Variants in TJP1 observed in about 807,000 individuals in gnomAD.
The protein encoded by TJP1 is tight junction protein ZO-1.
TJP1 carries 43 observed loss-of-function variants against 194.2 expected under a neutral mutation model. The ratio of observed to expected loss-of-function variants is 0.22; its 90% CI spans 0.17 to 0.29. The LOEUF (loss-of-function observed/expected upper bound fraction) is 0.29. Ranked by LOEUF, TJP1 falls within the 10% of genes least tolerant of loss-of-function variation. The pLI is 1.00. For missense variants in TJP1, 1,971 were observed against 2,185.7 expected (o/e 0.90, Z 1.96); for synonymous variants, 801 against 779.0 (o/e 1.03, Z -0.47).
chr15:29,761,434 A>G, intron 7 of TJP1, 148 bp from the exon 8 acceptor site: 1 of 1,291,060 alleles, frequency 7.7e-7, no homozygotes, highest in Non-Finnish European at 1.1e-6. Flanking sequence ...CAGCAATCAT[A>G]TCAATAGTGG....
intron 8 of TJP1, among the ~76,000 whole-genome samples, chr15:29,757,632 A>G (rs1170366774): frequency 6.6e-6 from 1 of 152,210 alleles, no homozygotes; most frequent in African/African-American, 2.4e-5. Flanking sequence ...TCTTGTCTGT[A>G]GGCAGATTAC....
chr15:29,956,006 T>C (rs563030363), intron 2 of TJP1, among the ~76,000 whole-genome samples: 1 of 152,228 alleles, frequency 6.6e-6, no homozygotes, highest in African/African-American at 2.4e-5. Flanking sequence ...AGCATTTCTC[T>C]ATCTTCATAT....
intron 1 of TJP1, among the ~76,000 whole-genome samples, chr15:29,963,268 A>C (rs142903242): frequency 2.0e-5 from 3 of 152,286 alleles, no homozygotes; most frequent in Admixed American, 2.0e-4. Context: ...TCGGGCAATT[A>C]CCAGTCATTT....
chr15:29,740,052 AC>A (rs1399793069), intron 10 of TJP1, among the ~76,000 whole-genome samples: 1 of 150,836 alleles, frequency 6.6e-6, no homozygotes, highest in African/African-American at 2.4e-5. Context: ...CAGTGGTGTG[AC>A]CTCGGCTCAC....
intron 1 of TJP1, among the ~76,000 whole-genome samples, chr15:29,957,127 A>G (rs2055976571): frequency 6.6e-6 from 1 of 152,230 alleles, no homozygotes; most frequent in African/African-American, 2.4e-5. Context: ...AAATCTAAAC[A>G]TGATAGCACA....
intron 24 of TJP1, among the ~76,000 whole-genome samples, chr15:29,710,263 C>T (rs1410348250): frequency 6.6e-6 from 1 of 152,124 alleles, no homozygotes; most frequent in East Asian, 1.9e-4. Context: ...TAGCCTCAAT[C>T]CAGAACTATA....
chr15:29,905,762 T>C (rs968534646), intron 2 of TJP1, among the ~76,000 whole-genome samples: 1 of 152,222 alleles, frequency 6.6e-6, no homozygotes, highest in African/African-American at 2.4e-5. Flanking sequence ...TACTTAGTAA[T>C]CTGAAAAGGC....
intron 8 of TJP1, among the ~76,000 whole-genome samples, chr15:29,743,959 T>C (rs1390233948): frequency 6.6e-6 from 1 of 152,142 alleles, no homozygotes; most frequent in East Asian, 1.9e-4. Context: ...GGCAGGCGGA[T>C]CACGAGGTCA....
chr15:29,719,973 G>T lies in TJP1; in HGVS notation c.2807C>A (p.Thr936Lys). 6.2e-7 allele frequency: 1 copy of T among 1,614,122 alleles called. No homozygotes were observed. The highest frequency in any genetic ancestry group is 8.5e-7 in the Non-Finnish European group (1 of 1,180,008). ...SSPVPYLSPETNPASSTSAVN... is the reference protein window; with the variant it reads ...SSPVPYLSPEKNPASSTSAVN... ...AGCAGAGGTTGATGATGCTGGGTTTGTTTCAGGCGAAAGGTAAGGGACTGG... is the reference window on the plus strand; with the variant it reads ...AGCAGAGGTTGATGATGCTGGGTTTTTTTCAGGCGAAAGGTAAGGGACTGG... Residue 936 changes from threonine (T) to lysine (K), a missense_variant, in exon 20 of 28, where the codon ACA becomes AAA. Thr to Lys is a moderately conservative substitution (Grantham distance 78, BLOSUM62 -1). This residue lies in a region of TJP1 where 1,108 missense variants were observed against 1,128.5 expected (regional missense o/e 0.98). Coordinates refer to ENST00000614355, the MANE Select transcript of TJP1 (RefSeq NM_001330239.4).
At chr15:29,886,420 T>C (rs957001368) in intron 2 of TJP1, among the ~76,000 whole-genome samples, 1 of 151,978 alleles carries the variant, frequency 6.6e-6, no homozygotes, top group East Asian at 1.9e-4. Flanking sequence ...GGTGTGTTTA[T>C]AGGAATCAAA....
intron 15 of TJP1, among the ~76,000 whole-genome samples, chr15:29,730,280 A>G (rs528363170): frequency 2.0e-5 from 3 of 152,196 alleles, no homozygotes; most frequent in Admixed American, 6.5e-5. Context: ...AATTACAAAA[A>G]CAGTTTAAAA....
At chr15:29,936,103 T>C (rs530398601) in intron 2 of TJP1, among the ~76,000 whole-genome samples, 1 of 152,084 alleles carries the variant, frequency 6.6e-6, no homozygotes, top group South Asian at 2.1e-4. Flanking sequence ...TCTATATGAG[T>C]TCCCTCCTCG....
chr15:29,709,032 A>T lies in TJP1; in HGVS notation c.4377T>A (p.Asn1459Lys). Reference sequence around the variant, plus strand: ...AATTCTGAAAATCCAATGACACTGAATTACCTGAAAAACAAACGTAAGCAT... The same window carrying T: ...AATTCTGAAAATCCAATGACACTGATTTACCTGAAAAACAAACGTAAGCAT... Reference protein sequence around the residue: ...IHSKGAHGEGNSVSLDFQNSL... With the variant: ...IHSKGAHGEGKSVSLDFQNSL... The change falls in exon 25 of 28, where the codon AAT (asparagine) becomes AAA (lysine). Residue 1459 changes from asparagine to lysine, a missense_variant. Asn to Lys is a moderately conservative substitution (Grantham distance 94, BLOSUM62 0). Transcript: ENST00000614355. The T allele has an allele frequency of 6.2e-7, 1 of 1,605,212 alleles. No homozygotes were observed. Among genetic ancestry groups the T allele is most frequent in the South Asian group, 1.1e-5 (1 of 90,350 alleles).
intron 2 of TJP1, among the ~76,000 whole-genome samples, chr15:29,856,100 GCATATCCATA>G (rs370374147): frequency 8.6e-4 from 131 of 152,244 alleles, no homozygotes; most frequent in African/African-American, 3.1e-3. Context: ...ATAAGATGTG[GCATATCCATA>G]CAATAGAATA....
At chr15:29,781,841 A>G (rs185205854) in intron 2 of TJP1, among the ~76,000 whole-genome samples, 83 of 152,350 alleles carry the variant, frequency 5.4e-4, no homozygotes, top group African/African-American at 9.1e-4. Context: ...AGAGCTGTAT[A>G]TGACAAACCT....
chr15:29,907,282 G>A (rs142726048), intron 2 of TJP1, among the ~76,000 whole-genome samples: 3,530 of 152,034 alleles, frequency 0.023, 63 homozygotes, highest in Middle Eastern at 0.044. Flanking sequence ...GGTGGCGGGC[G>A]CCTGTAGCCC....
intron 2 of TJP1, among the ~76,000 whole-genome samples, chr15:29,927,656 A>G (rs1446505514): frequency 6.6e-6 from 1 of 152,182 alleles, no homozygotes; most frequent in East Asian, 1.9e-4. Context: ...TGGCCAAGCC[A>G]AGATACTGGA....
intron 2 of TJP1, among the ~76,000 whole-genome samples, chr15:29,935,816 C>G (rs2152276331): frequency 6.6e-6 from 1 of 152,202 alleles, no homozygotes; most frequent in Non-Finnish European, 1.5e-5. Flanking sequence ...TATTTCCTTC[C>G]TTTGTCTTTC....
At chr15:29,749,657 G>A (rs943496149) in intron 8 of TJP1, among the ~76,000 whole-genome samples, 1 of 152,134 alleles carries the variant, frequency 6.6e-6, no homozygotes, top group African/African-American at 2.4e-5. Flanking sequence ...CAGCACATGG[G>A]AGTACAAATA....
Sources: allele counts gnomAD v4.1 joint callset (sites outside exome capture counted in the v4.1 genomes callset), GRCh38; gene constraint gnomAD v4.1.1; regional missense constraint gnomAD v4.1.1; transcripts MANE v1.5; gene names NCBI Gene and HGNC (gene_info 2026-07-23, HGNC 2026-07-21).